The following FAF2 variants were observed in gnomAD, a reference collection of about 807,000 sequenced individuals.
FAF2 encodes FAS-associated factor 2.
A neutral mutation model predicts 62.3 loss-of-function variants in FAF2; 9 were observed. That is an observed-to-expected ratio of 0.14 (90% CI 0.09 to 0.25). FAF2 has a LOEUF of 0.25. Ranked by LOEUF, FAF2 falls within the 10% of genes least tolerant of loss-of-function variation. The probability of loss-of-function intolerance (pLI) is 1.00; values close to 1 mark genes in which losing one functional copy is unlikely to be tolerated. For missense variants in FAF2, 368 were observed against 556.2 expected, an observed-to-expected ratio of 0.66 and a Z score of 3.40; for synonymous variants, 202 against 198.0, an observed-to-expected ratio of 1.02 and a Z score of -0.17.
chr5:176,456,561 G>A (rs1758280047), intron 1 of FAF2, among the ~76,000 whole-genome samples: 1 of 64,454 alleles, frequency 1.6e-5, no homozygotes, highest in African/African-American at 8.3e-5. Flanking sequence ...ACTCTCCTGA[G>A]CTCAAGCAGT....
At chr5:176,495,925 G>A (rs1755458065) in intron 7 of FAF2, among the ~76,000 whole-genome samples, 1 of 152,104 alleles carries the variant, frequency 6.6e-6, no homozygotes, top group South Asian at 2.1e-4. Context: ...AAAAAAAAAT[G>A]ATGATGGAGA....
At chr5:176,491,736 GGCTA>G (rs1443219955) in intron 4 of FAF2, among the ~76,000 whole-genome samples, 2 of 152,118 alleles carry the variant, frequency 1.3e-5, no homozygotes, top group African/African-American at 4.8e-5. Flanking sequence ...CTTGAAATGT[GGCTA>G]GCATTACTAA....
At chr5:176,486,514 T>G (rs1426579980) in intron 3 of FAF2, 25 bp downstream of exon 3, 4 of 1,612,522 alleles carry the variant, frequency 2.5e-6, no homozygotes, top group African/African-American at 1.3e-5. Context: ...AGCTGGGATT[T>G]CCCCCTTTTT....
At chr5:176,454,352 C>T (rs1261322160) in intron 1 of FAF2, among the ~76,000 whole-genome samples, 1 of 152,022 alleles carries the variant, frequency 6.6e-6, no homozygotes, top group East Asian at 1.9e-4. Context: ...GAGATCGTGC[C>T]ACTGCACTCC....
At chr5:176,460,778 C>G (rs942081246) in intron 1 of FAF2, among the ~76,000 whole-genome samples, 6 of 151,918 alleles carry the variant, frequency 3.9e-5, no homozygotes, top group African/African-American at 1.5e-4. Context: ...TTGCAAGACC[C>G]CAACTGTACC....
intron 2 of FAF2, among the ~76,000 whole-genome samples, chr5:176,485,467 C>T (rs184163988): frequency 2.6e-4 from 39 of 152,316 alleles, no homozygotes; most frequent in African/African-American, 9.1e-4. Flanking sequence ...CTTATCAGGT[C>T]TGACATAGAT....
chr5:176,479,145 G>C (rs776558557), intron 1 of FAF2, 43 bp from the exon 2 acceptor site: 22 of 1,514,990 alleles, frequency 1.5e-5, no homozygotes, highest in Non-Finnish European at 1.9e-5. Context: ...CACGTATACT[G>C]TTGGTTTTTC....
In FAF2 at chr5:176,507,045, G is replaced by A; in HGVS notation, c.*95G>A. On this transcript the variant is annotated 3_prime_UTR_variant, in exon 11 of 11. Coordinates refer to ENST00000261942, the MANE Select transcript of FAF2 (RefSeq NM_014613.3). ...AGTCAGAAAAAAAAAACAAGAGAGAGAAATTCATATTATTATTATTATTAT... is the reference window on the plus strand; with the variant it reads ...AGTCAGAAAAAAAAAACAAGAGAGAAAAATTCATATTATTATTATTATTAT... 1 of 741,178 alleles carries A rather than the reference G, an allele frequency of 1.3e-6. No homozygotes were observed. The highest frequency in any genetic ancestry group is 1.9e-6 in the Non-Finnish European group (1 of 522,418). The allele number at this position is 741,178 out of a possible 1,614,324, so 45.9% of individuals were successfully genotyped here. A position where few individuals can be genotyped will look rare whatever the true frequency, so the allele number is the denominator to read the frequency against.
intron 1 of FAF2, among the ~76,000 whole-genome samples, chr5:176,466,575 T>G (rs2335415): frequency 0.78 from 118,295 of 152,202 alleles, 46,058 homozygotes; most frequent in East Asian, 0.82. Flanking sequence ...GTTTGAGCCA[T>G]CTGGTTAAAA....
chr5:176,475,570 A>G (rs1758673803), intron 1 of FAF2, among the ~76,000 whole-genome samples: 1 of 152,076 alleles, frequency 6.6e-6, no homozygotes, highest in African/African-American at 2.4e-5. Context: ...TGAGGTGAGG[A>G]GTTCGAGACC....
chr5:176,471,063 T>C (rs1029890267), intron 1 of FAF2, among the ~76,000 whole-genome samples: 4 of 152,236 alleles, frequency 2.6e-5, no homozygotes, highest in Non-Finnish European at 4.4e-5. Flanking sequence ...TACACCTTAA[T>C]ATTTCTCTTC....
In FAF2 at chr5:176,493,982, CCTT is replaced by C; in HGVS notation, c.484-14_484-12del. On this transcript the variant is annotated splice_polypyrimidine_tract_variant and intron_variant, in intron 5 of 10. Coordinates refer to ENST00000261942, the MANE Select transcript of FAF2 (RefSeq NM_014613.3). ...GCACAGTCTTCTTAATAGTGAGTGA[CCTT>C]CTCTTTCTCACAGGCACTTAACGAT... 1.3e-6 allele frequency: 2 copies of C among 1,588,494 alleles called. No homozygotes were observed. Among genetic ancestry groups the C allele is most frequent in the African/African-American group, 1.3e-5 (1 of 74,310 alleles).
intron 1 of FAF2, among the ~76,000 whole-genome samples, chr5:176,451,877 TA>T (rs1561813633): frequency 5.6e-5 from 1 of 17,778 alleles, no homozygotes; most frequent in African/African-American, 2.4e-4. Flanking sequence ...TATACACACA[TA>T]TATATATATA....
Position 176,479,583 on chromosome 5 carries a change from G to A in FAF2, c.132+327G>A, listed in dbSNP as rs1408156550. 2.6e-5 allele frequency among the ~76,000 whole-genome samples: 4 copies of A among 152,090 alleles called. No individual in the cohort carries two copies. In the East Asian group the frequency reaches 7.7e-4, roughly 29 times the overall value. ...CATATTTTATAGTTTATTCTTTGGG[G>A]TTGTCTAGGTAGTCATGTTCTCTGC... On this transcript the variant is annotated intron_variant, in intron 2 of 10. Coordinates refer to ENST00000261942, the MANE Select transcript of FAF2 (RefSeq NM_014613.3).
chr5:176,498,813 A>G (rs75623165), intron 8 of FAF2, 101 bp from the exon 9 acceptor site: 1 of 1,132,334 alleles, frequency 8.8e-7, no homozygotes, highest in Non-Finnish European at 1.2e-6. Context: ...AAGAATATCA[A>G]CATTTTTACA....
chr5:176,503,623 G>A (rs1755631578), intron 10 of FAF2, among the ~76,000 whole-genome samples: 1 of 151,816 alleles, frequency 6.6e-6, no homozygotes, highest in African/African-American at 2.4e-5. Flanking sequence ...TAATCTCCAG[G>A]AGTGACAGAT....
At chr5:176,484,909 A>AAG (rs1030521650) in intron 2 of FAF2, among the ~76,000 whole-genome samples, 1 of 149,558 alleles carries the variant, frequency 6.7e-6, no homozygotes, top group Non-Finnish European at 1.5e-5. Flanking sequence ...AAAAAAAAAA[A>AAG]GGTTAAAGTT....
Position 176,506,123 on chromosome 5 carries a change from G to A in FAF2, c.1156-645G>A, listed in dbSNP as rs577074716. On this transcript the variant is annotated intron_variant, in intron 10 of 10. Coordinates refer to ENST00000261942, the MANE Select transcript of FAF2 (RefSeq NM_014613.3). ...GGAGAATAGCGTGAACCTGGGAGGC[G>A]GAGCTTGTGGTGAGCTGAGATGGCG... is the stretch of plus-strand genomic sequence containing the variant. 3.1e-4 allele frequency among the ~76,000 whole-genome samples: 47 copies of A among 151,440 alleles called. No homozygotes were observed. In the East Asian group the frequency reaches 7.2e-3, roughly 23 times the overall value.
chr5:176,488,839 G>C, intron 3 of FAF2, 112 bp from the exon 4 acceptor site: 1 of 795,270 alleles, frequency 1.3e-6, no homozygotes, highest in South Asian at 1.6e-5. Context: ...CTGTACTTTA[G>C]AGGAACAAAT....
Sources: allele counts gnomAD v4.1 joint callset (sites outside exome capture counted in the v4.1 genomes callset), GRCh38; gene constraint gnomAD v4.1.1; transcripts MANE v1.5; gene names NCBI Gene and HGNC (gene_info 2026-07-23, HGNC 2026-07-21).